SUCLG2: variants seen among roughly 807,000 people sequenced by gnomAD.
The protein encoded by SUCLG2 is succinate-CoA ligase GDP-forming subunit beta, also known as succinate--CoA ligase [GDP-forming] subunit beta, mitochondrial.
Under a neutral mutation model 47.9 loss-of-function variants are expected in SUCLG2, and 42 were observed. The observed-to-expected ratio is 0.88, with a 90% CI of 0.69 to 1.14. The LOEUF is 1.14. Ranked by LOEUF, SUCLG2 falls within the 50% of genes most tolerant of loss-of-function variation. The pLI is 0.00. For missense variants in SUCLG2, 571 were observed against 525.9 expected, an observed-to-expected ratio of 1.09 and a Z score of -0.84; for synonymous variants, 195 against 197.3, an observed-to-expected ratio of 0.99 and a Z score of 0.10.
chr3:67,492,038 A>G (rs1334587755), intron 9 of SUCLG2, among the ~76,000 whole-genome samples: 1 of 152,204 alleles, frequency 6.6e-6, no homozygotes, highest in Non-Finnish European at 1.5e-5. Flanking sequence ...CCATTCTTCA[A>G]CTTGTCTTTG....
At chr3:67,363,529 C>G (rs1701836795) in intron 10 of SUCLG2, among the ~76,000 whole-genome samples, 1 of 152,106 alleles carries the variant, frequency 6.6e-6, no homozygotes, top group African/African-American at 2.4e-5. Flanking sequence ...TTATATAAGG[C>G]TACACATAGT....
chr3:67,488,109 GTATA>G (rs771189675), intron 9 of SUCLG2, among the ~76,000 whole-genome samples: 3 of 151,338 alleles, frequency 2.0e-5, no homozygotes, highest in African/African-American at 7.3e-5. Flanking sequence ...ACTAGTGTGT[GTATA>G]TATATATATT....
At chr3:67,395,736 C>A (rs1457680567) in intron 10 of SUCLG2, among the ~76,000 whole-genome samples, 1 of 152,112 alleles carries the variant, frequency 6.6e-6, no homozygotes, top group African/African-American at 2.4e-5. Flanking sequence ...CAGCACCACA[C>A]CACACCTATT....
chr3:67,477,296 T>C (rs919890192), intron 9 of SUCLG2, among the ~76,000 whole-genome samples: 1 of 152,158 alleles, frequency 6.6e-6, no homozygotes, highest in African/African-American at 2.4e-5. Context: ...AGCTCCACCA[T>C]TTGGCTGACT....
chr3:67,653,047 T>C (rs1701315748), intron 1 of SUCLG2, among the ~76,000 whole-genome samples: 1 of 152,236 alleles, frequency 6.6e-6, no homozygotes, highest in Admixed American at 6.5e-5. Context: ...AACCAGATTT[T>C]CTCCTGTGTT....
chr3:67,413,361 A>G (rs562857926), intron 9 of SUCLG2, among the ~76,000 whole-genome samples: 16 of 152,350 alleles, frequency 1.1e-4, no homozygotes, highest in African/African-American at 3.6e-4. Context: ...GATGGGCTCA[A>G]TAAGACTGAA....
chr3:67,416,493 C>CT (rs966706757), intron 9 of SUCLG2, among the ~76,000 whole-genome samples: 2 of 151,912 alleles, frequency 1.3e-5, no homozygotes, highest in African/African-American at 2.4e-5. Flanking sequence ...AAAATGCTAG[C>CT]TTTTTTTTCT....
Position 67,406,412 on chromosome 3 carries a change from T to C in SUCLG2, c.1063-5561A>G, listed in dbSNP as rs150917338. Among the ~76,000 whole-genome samples, 194 of 152,256 alleles carry C rather than the reference T, an allele frequency of 1.3e-3. 1 individual carries two copies. Among genetic ancestry groups the C allele is most frequent in the African/African-American group, 3.3e-3 (136 of 41,540 alleles). On this transcript the variant is annotated intron_variant, in intron 9 of 10. Transcript: ENST00000307227. Reference sequence around the variant, plus strand: ...ATAATAGTTATGAAGGGGAGGAAAATGCTAGGTCCTATGTGAGTAGCAGGA... The same window carrying C: ...ATAATAGTTATGAAGGGGAGGAAAACGCTAGGTCCTATGTGAGTAGCAGGA...
intron 2 of SUCLG2, among the ~76,000 whole-genome samples, chr3:67,578,950 TAAG>T (rs1438984038): frequency 6.6e-6 from 1 of 152,200 alleles, no homozygotes; most frequent in Non-Finnish European, 1.5e-5. Context: ...TGCCGCTCTC[TAAG>T]AAGATCCAGG....
chr3:67,467,851 G>A (rs1317504282), intron 9 of SUCLG2, among the ~76,000 whole-genome samples: 1 of 152,128 alleles, frequency 6.6e-6, no homozygotes, highest in African/African-American at 2.4e-5. Context: ...AGTCACAGAT[G>A]TAAGAGGAAA....
chr3:67,385,991 G>A (rs1702249190), intron 10 of SUCLG2, among the ~76,000 whole-genome samples: 1 of 152,162 alleles, frequency 6.6e-6, no homozygotes, highest in African/African-American at 2.4e-5. Context: ...GAGGCTAGAA[G>A]GTCTCAGAGG....
intron 6 of SUCLG2, among the ~76,000 whole-genome samples, chr3:67,510,647 A>T (rs1214340945): frequency 6.6e-6 from 1 of 152,198 alleles, no homozygotes; most frequent in Non-Finnish European, 1.5e-5. Flanking sequence ...CAGGTAGATC[A>T]ATCATATCTT....
intron 1 of SUCLG2, among the ~76,000 whole-genome samples, chr3:67,634,864 G>A (rs60089940): frequency 3.3e-4 from 50 of 152,320 alleles, no homozygotes; most frequent in African/African-American, 1.2e-3. Flanking sequence ...ATGTGCACGT[G>A]TGTATATGTC....
At chr3:67,401,826 G>A (rs143133497) in intron 9 of SUCLG2, among the ~76,000 whole-genome samples, 1 of 152,108 alleles carries the variant, frequency 6.6e-6, no homozygotes, top group Non-Finnish European at 1.5e-5. Flanking sequence ...TATTATTTCT[G>A]TCTGTTAAAT....
intron 9 of SUCLG2, among the ~76,000 whole-genome samples, chr3:67,406,719 A>G (rs1357578042): frequency 6.6e-6 from 1 of 152,190 alleles, no homozygotes; most frequent in Non-Finnish European, 1.5e-5. Flanking sequence ...GCAGAGTCTC[A>G]CAGAGCAAAC....
intron 1 of SUCLG2, among the ~76,000 whole-genome samples, chr3:67,617,180 G>A (rs1252230134): frequency 1.3e-5 from 2 of 152,168 alleles, no homozygotes; most frequent in African/African-American, 4.8e-5. Context: ...AGGCCTGCTT[G>A]TTTAAAACAG....
intron 9 of SUCLG2, among the ~76,000 whole-genome samples, chr3:67,469,239 C>T (rs1178925242): frequency 1.3e-5 from 2 of 152,180 alleles, no homozygotes; most frequent in African/African-American, 4.8e-5. Context: ...ATCCCAAAAG[C>T]AGCGGGAGCT....
At chr3:67,518,373 G>A in intron 5 of SUCLG2, 37 bp from the exon 6 acceptor site, 1 of 1,569,824 alleles carries the variant, frequency 6.4e-7, no homozygotes, top group Non-Finnish European at 8.7e-7. Context: ...AATTCAGACA[G>A]TCAACTGAGA....
intron 9 of SUCLG2, among the ~76,000 whole-genome samples, chr3:67,455,684 AG>A (rs1261042799): frequency 6.6e-6 from 1 of 152,088 alleles, no homozygotes; most frequent in Non-Finnish European, 1.5e-5. Context: ...TACTGGGTGG[AG>A]GAAAAAAAAA....
Sources: gnomAD v4.1 joint callset for allele counts (sites outside exome capture counted in the v4.1 genomes callset) on GRCh38, gnomAD v4.1.1 for gene constraint, MANE v1.5 for transcripts, NCBI Gene and HGNC (gene_info 2026-07-23, HGNC 2026-07-21) for gene names.